The following DRC11L variants were observed in gnomAD, a reference collection of about 807,000 sequenced individuals.
The protein encoded by DRC11L is dynein regulatory complex subunit 11 like.
chr7:151,203,089 G>A, the DRC11L span: 6 of 399,148 alleles, frequency 1.5e-5, no homozygotes, highest in African/African-American at 2.1e-5. Flanking sequence ...GTGCATTCCT[G>A]TAAAGCTCTG....
the DRC11L span, chr7:151,191,184 TCTC>T: frequency 1.5e-5 from 6 of 399,464 alleles, no homozygotes; most frequent in Non-Finnish European, 2.6e-5. Context: ...CCTCTTCTCC[TCTC>T]CTCCTGGGTT....
chr7:151,201,689 T>G, the DRC11L span, among the ~76,000 whole-genome samples: 1 of 152,088 alleles, frequency 6.6e-6, no homozygotes, highest in Non-Finnish European at 1.5e-5. This position sits in a 1 kb window ranked among gnomAD's most constrained non-coding sequence, Gnocchi z 4.1. Flanking sequence ...GTATTGGGAC[T>G]TGAGAGAGAG....
chr7:151,194,915 C>T, the DRC11L span, among the ~76,000 whole-genome samples: 1 of 152,354 alleles, frequency 6.6e-6, no homozygotes, highest in South Asian at 2.1e-4. Flanking sequence ...GAAATCCAGT[C>T]ATTTGAGTTA....
chr7:151,199,539 T>C, the DRC11L span, among the ~76,000 whole-genome samples: 4 of 152,190 alleles, frequency 2.6e-5, no homozygotes, highest in East Asian at 7.8e-4. This position sits in a 1 kb window ranked among gnomAD's most constrained non-coding sequence, Gnocchi z 5.2. Flanking sequence ...TGCTCTCGTC[T>C]CCTGGGGGTC....
chr7:151,194,391 C>G, the DRC11L span: 1 of 398,992 alleles, frequency 2.5e-6, no homozygotes, highest in East Asian at 3.6e-5. Context: ...CACTGAGTGA[C>G]AGGCACACTC....
At chr7:151,200,221 C>A in the DRC11L span, among the ~76,000 whole-genome samples, 1 of 152,170 alleles carries the variant, frequency 6.6e-6, no homozygotes, top group Non-Finnish European at 1.5e-5. Flanking sequence ...GGCCAGGGGG[C>A]TTTTCTGTCC....
chr7:151,196,550 T>C, the DRC11L span: 913 of 399,764 alleles, frequency 2.3e-3, 7 homozygotes, highest in African/African-American at 0.018. Context: ...GGTTCTTCCA[T>C]GTATCTGACC....
chr7:151,203,426 A>G, the DRC11L span: 9 of 399,238 alleles, frequency 2.3e-5, no homozygotes, highest in Non-Finnish European at 2.7e-5. Flanking sequence ...CAGTCTGGAC[A>G]GGATCTCGGC....
chr7:151,194,191 C>A, the DRC11L span: 1 of 397,810 alleles, frequency 2.5e-6, no homozygotes, highest in Non-Finnish European at 4.4e-6. Context: ...CCTACCCTGA[C>A]CCCAGCCCTC....
At chr7:151,197,815 AGGG>A in the DRC11L span, 1 of 399,062 alleles carries the variant, frequency 2.5e-6, no homozygotes, top group African/African-American at 2.1e-5. Context: ...CACCTCCAAC[AGGG>A]TACCTGTTCT....
At chr7:151,194,450 A>G in the DRC11L span, 43 of 398,820 alleles carry the variant, frequency 1.1e-4, no homozygotes, top group Non-Finnish European at 1.6e-4. Flanking sequence ...GGGCTGGTGG[A>G]TGGGGGTAGG....
chr7:151,201,350 C>T, the DRC11L span, among the ~76,000 whole-genome samples: 1 of 152,208 alleles, frequency 6.6e-6, no homozygotes, highest in East Asian at 1.9e-4. The surrounding 1 kb of genome is among the most constrained non-coding windows in gnomAD (Gnocchi z 4.1). Context: ...TATTTCTGTA[C>T]TCTTGATGTC....
At chr7:151,195,589 G>A in the DRC11L span, 30 of 367,834 alleles carry the variant, frequency 8.2e-5, 1 homozygote, top group Middle Eastern at 6.5e-4. Flanking sequence ...GGAGCCCTCA[G>A]GGGTCTTTCT....
At chr7:151,203,334 T>C in the DRC11L span, 1 of 399,282 alleles carries the variant, frequency 2.5e-6, no homozygotes, top group Non-Finnish European at 4.4e-6. Context: ...CCTCTCTGCA[T>C]TCTGGAGTCT....
the DRC11L span, among the ~76,000 whole-genome samples, chr7:151,200,004 C>T: frequency 6.6e-6 from 1 of 152,224 alleles, no homozygotes; most frequent in Admixed American, 6.5e-5. Flanking sequence ...GGTGTCTCCC[C>T]GTGGCTGCCA....
the DRC11L span, among the ~76,000 whole-genome samples, chr7:151,203,861 C>T: frequency 2.0e-5 from 3 of 152,158 alleles, no homozygotes; most frequent in South Asian, 2.1e-4. Flanking sequence ...CTTCCCTGCG[C>T]CCCCACCCCC....
the DRC11L span, among the ~76,000 whole-genome samples, chr7:151,202,580 G>A: frequency 1.3e-5 from 2 of 152,180 alleles, no homozygotes; most frequent in Non-Finnish European, 2.9e-5. Flanking sequence ...GGCTGGGCAT[G>A]GTGGCTCACG....
chr7:151,195,659 C>T, the DRC11L span: 1 of 399,738 alleles, frequency 2.5e-6, no homozygotes, highest in Middle Eastern at 6.3e-4. Context: ...GCTCATCCAC[C>T]TAGGGGAGAC....
chr7:151,196,565 A>G, the DRC11L span: 2 of 399,600 alleles, frequency 5.0e-6, no homozygotes, highest in Non-Finnish European at 8.8e-6. Context: ...CTGACCGCAG[A>G]GAATGGATGG....
Sources: allele counts gnomAD v4.1 joint callset (sites outside exome capture counted in the v4.1 genomes callset), GRCh38; gene constraint gnomAD v4.1.1; non-coding constraint Gnocchi (gnomAD v3.1); transcripts MANE v1.5; gene names NCBI Gene and HGNC (gene_info 2026-07-23, HGNC 2026-07-21).